Variants in FREM1 observed in about 807,000 individuals in gnomAD.
The protein encoded by FREM1 is FRAS1-related extracellular matrix protein 1.
Under a neutral mutation model 210.1 loss-of-function variants are expected in FREM1, and 220 were observed. The ratio of observed to expected loss-of-function variants is 1.05; its 90% CI spans 0.94 to 1.17. FREM1 has a LOEUF of 1.17. Ranked by LOEUF, FREM1 falls within the 50% of genes most tolerant of loss-of-function variation. The pLI is 0.00. For synonymous variants in FREM1, 1,189 were observed against 980.2 expected, an observed-to-expected ratio of 1.21 and a Z score of -3.98; for missense variants, 3,454 against 2,675.5, an observed-to-expected ratio of 1.29 and a Z score of -6.42.
chr9:14,901,191 C>T lies in FREM1; in HGVS notation c.-268+8723G>A, dbSNP rs552483377. ...GGTTTAGGCAGTATGTAATAGATCT[C>T]TCTAAAACCATAAAATGCAAAATCA... On this transcript the variant is annotated intron_variant, in intron 1 of 36. Transcript: ENST00000380880. Among the ~76,000 whole-genome samples, 274 of 152,234 alleles carry T rather than the reference C, an allele frequency of 1.8e-3. 4 individuals carry two copies. The highest frequency in any genetic ancestry group is 0.012 in the Admixed American group (177 of 15,290).
intron 3 of FREM1, among the ~76,000 whole-genome samples, chr9:14,860,692 T>TACACATATAG: frequency 8.2e-6 from 1 of 122,042 alleles, no homozygotes; most frequent in African/African-American, 3.6e-5. Context: ...TACACATATA[T>TACACATATAG]ACACACATAT....
At chr9:14,753,782 C>A (rs1843787792) in intron 29 of FREM1, among the ~76,000 whole-genome samples, 1 of 152,152 alleles carries the variant, frequency 6.6e-6, no homozygotes, top group Non-Finnish European at 1.5e-5. Flanking sequence ...TGGAGAACTT[C>A]AAAATTCTCT....
At chr9:14,763,636 T>C (rs75824715) in intron 27 of FREM1, among the ~76,000 whole-genome samples, 3,799 of 152,306 alleles carry the variant, frequency 0.025, 66 homozygotes, top group Non-Finnish European at 0.039. Flanking sequence ...CCTCTGTCAC[T>C]CACCAGCTCT....
rs1161649274 is a variant in FREM1, at chr9:14,860,908, TAC to T, written c.330-1426_330-1425del. Among the ~76,000 whole-genome samples the T allele has an allele frequency of 6.1e-5, 7 of 113,828 alleles. 3 individuals are homozygous for T. Among genetic ancestry groups the T allele is most frequent in the African/African-American group, 3.0e-4 (7 of 23,418 alleles). 74.7% of individuals were successfully genotyped at this position (113,828 alleles called of 152,430 possible). On this transcript the variant is annotated intron_variant, in intron 3 of 36. Transcript: ENST00000380880. ...ACACATATATACATATATACACATA[TAC>T]ACATATACACATATATACACATATA...
intron 21 of FREM1, 40 bp from the exon 22 acceptor site, chr9:14,792,924 A>T: frequency 7.1e-7 from 1 of 1,410,012 alleles, no homozygotes; most frequent in Non-Finnish European, 9.7e-7. Context: ...TAAAAATAGA[A>T]GATATTCCTT....
chr9:14,868,797 C>T lies in FREM1; in HGVS notation c.181G>A (p.Glu61Lys). ...IPKEKDACKV[E>K]VVMNEPITQR... ...GTTATTGGCTCATTCATCACAACTT[C>T]CACTTTGCAGGCATCTTTCTCTTTA... Residue 61 changes from glutamate to lysine, a missense_variant, in exon 2 of 37, where the codon GAA (glutamate) becomes AAA (lysine). Physicochemically the swap from Glu to Lys is moderately conservative, Grantham distance 56. Coordinates refer to ENST00000380880, the MANE Select transcript of FREM1 (RefSeq NM_001379081.2). 1.2e-6 allele frequency: 2 copies of T among 1,613,122 alleles called. No individual in the cohort carries two copies. The highest frequency in any genetic ancestry group is 8.5e-7 in the Non-Finnish European group (1 of 1,179,564).
chr9:14,891,511 G>C (rs1836811307), intron 1 of FREM1, among the ~76,000 whole-genome samples: 1 of 152,200 alleles, frequency 6.6e-6, no homozygotes, highest in South Asian at 2.1e-4. Flanking sequence ...AGGATTGCTT[G>C]AGCCAGGGAG....
chr9:14,903,956 C>A (rs941048564), intron 1 of FREM1, among the ~76,000 whole-genome samples: 2 of 151,818 alleles, frequency 1.3e-5, no homozygotes, highest in African/African-American at 2.4e-5. Flanking sequence ...CGCGTCTCTA[C>A]TAAAAATACA....
chr9:14,829,942 G>A (rs905688529), intron 10 of FREM1, among the ~76,000 whole-genome samples: 1 of 152,154 alleles, frequency 6.6e-6, no homozygotes, highest in Non-Finnish European at 1.5e-5. Flanking sequence ...ACCAGAAAAC[G>A]AGGAAAGAAT....
intron 5 of FREM1, among the ~76,000 whole-genome samples, chr9:14,854,988 T>G (rs1418087596): frequency 6.6e-6 from 1 of 152,046 alleles, no homozygotes; most frequent in African/African-American, 2.4e-5. Context: ...ATTCTAATTT[T>G]CCCCAAATAA....
intron 30 of FREM1, among the ~76,000 whole-genome samples, chr9:14,749,464 TG>T (rs1339586689): frequency 1.3e-5 from 2 of 151,004 alleles, no homozygotes; most frequent in African/African-American, 4.9e-5. Flanking sequence ...AAAATGGGAG[TG>T]TAAGATTGAG....
At chr9:14,879,512 C>G (rs1173056290) in intron 1 of FREM1, among the ~76,000 whole-genome samples, 1 of 152,162 alleles carries the variant, frequency 6.6e-6, no homozygotes, top group Non-Finnish European at 1.5e-5. Context: ...AAAGCAACGT[C>G]TACAAGAATA....
At position 14,804,971 on chromosome 9, in the gene FREM1, TAC is replaced by T; in HGVS notation, c.3454_3455del (p.Val1152SerfsTer8). On this transcript the variant is annotated frameshift_variant, in exon 19 of 37. Coordinates refer to ENST00000380880, the MANE Select transcript of FREM1 (RefSeq NM_001379081.2). LOFTEE classifies it high-confidence loss of function. ...NPTNDEAPDF[V>X]VQNITVCEGQ... ...TGTTTCTTACAGTAATATTCTGCAC[TAC>T]AAAGTCAGGAGCTTCATCATTTGTG... 1 of 1,612,016 alleles carries T rather than the reference TAC, an allele frequency of 6.2e-7. No individual in the cohort carries two copies. Among genetic ancestry groups the T allele is most frequent in the Non-Finnish European group, 8.5e-7 (1 of 1,178,042 alleles).
At chr9:14,853,312 G>A (rs988598009) in intron 5 of FREM1, among the ~76,000 whole-genome samples, 1 of 152,152 alleles carries the variant, frequency 6.6e-6, no homozygotes, top group Non-Finnish European at 1.5e-5. Flanking sequence ...GGGCTGGTCT[G>A]GGATCTCCTG....
At chr9:14,846,730 T>A (rs1826688459) in intron 7 of FREM1, among the ~76,000 whole-genome samples, 1 of 152,194 alleles carries the variant, frequency 6.6e-6, no homozygotes, top group African/African-American at 2.4e-5. Context: ...AGATTACAGA[T>A]AATCCTGAAA....
chr9:14,828,224 G>T (rs1822846666), intron 10 of FREM1, among the ~76,000 whole-genome samples: 1 of 152,182 alleles, frequency 6.6e-6, no homozygotes, highest in Admixed American at 6.5e-5. Flanking sequence ...AATTGCCTGG[G>T]GCCTTGGGGG....
At chr9:14,841,245 A>T (rs1206192380) in intron 10 of FREM1, among the ~76,000 whole-genome samples, 4 of 152,256 alleles carry the variant, frequency 2.6e-5, no homozygotes, top group African/African-American at 9.6e-5. Flanking sequence ...GAAACACTGA[A>T]TACATAGATA....
At chr9:14,812,558 G>C (rs571059013) in intron 16 of FREM1, among the ~76,000 whole-genome samples, 62 of 152,286 alleles carry the variant, frequency 4.1e-4, no homozygotes, top group Admixed American at 9.2e-4. Flanking sequence ...TGAATGGAAG[G>C]TCTGTGTGGT....
intron 36 of FREM1, 134 bp from the exon 37 acceptor site, chr9:14,737,729 G>A: frequency 1.5e-6 from 1 of 647,262 alleles, no homozygotes; most frequent in Non-Finnish European, 2.4e-6. Flanking sequence ...ATAGGAACTT[G>A]GAATACTCTA....
Sources: allele counts gnomAD v4.1 joint callset (sites outside exome capture counted in the v4.1 genomes callset), GRCh38; gene constraint gnomAD v4.1.1; transcripts MANE v1.5; gene names NCBI Gene and HGNC (gene_info 2026-07-23, HGNC 2026-07-21).